The following TRAPPC9 variants were observed in gnomAD, a reference collection of about 807,000 sequenced individuals.
The protein encoded by TRAPPC9 is IKK2 binding protein.
TRAPPC9 carries 83 observed loss-of-function variants against 124.0 expected under a neutral mutation model. That is an observed-to-expected ratio of 0.67 (90% CI 0.56 to 0.80). The LOEUF is 0.80. TRAPPC9 is among the 30% of genes least tolerant of loss of function. The pLI is 0.00. For missense variants in TRAPPC9, 1,302 were observed against 1,508.3 expected, an observed-to-expected ratio of 0.86 and a Z score of 2.27; for synonymous variants, 638 against 617.5, an observed-to-expected ratio of 1.03 and a Z score of -0.49.
At chr8:139,863,310 G>T (rs1465078970) in intron 21 of TRAPPC9, among the ~76,000 whole-genome samples, 1 of 152,208 alleles carries the variant, frequency 6.6e-6, no homozygotes, top group Non-Finnish European at 1.5e-5. Context: ...TTGCAGAGAC[G>T]GAAAGGGCCA....
At chr8:140,183,859 AAAAAAG>A (rs1323252162) in intron 17 of TRAPPC9, among the ~76,000 whole-genome samples, 10 of 55,332 alleles carry the variant, frequency 1.8e-4, no homozygotes, top group Admixed American at 1.3e-3. Flanking sequence ...TGTCAAAAAA[AAAAAAG>A]AAGAAGAAGA....
chr8:140,217,732 C>T (rs1174083251), intron 17 of TRAPPC9, among the ~76,000 whole-genome samples: 2 of 152,054 alleles, frequency 1.3e-5, no homozygotes, highest in South Asian at 4.1e-4. Context: ...AATGCCATGG[C>T]GAGCCAGGCA....
At chr8:139,906,888 C>T (rs951862781) in intron 20 of TRAPPC9, among the ~76,000 whole-genome samples, 3 of 152,202 alleles carry the variant, frequency 2.0e-5, no homozygotes, top group Admixed American at 6.5e-5. Flanking sequence ...ATCAATGTGG[C>T]CATGCTCATA....
In TRAPPC9 at chr8:140,257,139, C is replaced by G. The variant is rs1350269897; in HGVS notation, c.2279-4210G>C. ...GTTAGCTTACAGCATACCCTTAGCT[C>G]CTCCCAAAATCTCCATATGCCAGCA... On this transcript the variant is annotated intron_variant, in intron 15 of 22. Coordinates refer to ENST00000438773, the MANE Select transcript of TRAPPC9 (RefSeq NM_001160372.4). This position sits in a 1 kb window ranked among gnomAD's most constrained non-coding sequence, Gnocchi z 4.6. Among the ~76,000 whole-genome samples, 2 of 152,214 alleles carry G rather than the reference C, an allele frequency of 1.3e-5. No individual in the cohort carries two copies. The highest frequency in any genetic ancestry group is 2.9e-5 in the Non-Finnish European group (2 of 68,036).
At chr8:140,296,280 T>C (rs527538895) in intron 11 of TRAPPC9, among the ~76,000 whole-genome samples, 33 of 152,342 alleles carry the variant, frequency 2.2e-4, no homozygotes, top group African/African-American at 7.7e-4. Context: ...TTATTTGTTT[T>C]TTGAGGTAGG....
At chr8:140,244,939 T>A (rs1393625878) in intron 16 of TRAPPC9, among the ~76,000 whole-genome samples, 1 of 150,920 alleles carries the variant, frequency 6.6e-6, no homozygotes, top group Admixed American at 6.6e-5. Context: ...CCCGAGTACC[T>A]GGGATTAAGG....
chr8:140,024,132 T>C, intron 17 of TRAPPC9, 53 bp from the exon 18 acceptor site: 1 of 1,602,416 alleles, frequency 6.2e-7, no homozygotes, highest in Non-Finnish European at 8.5e-7. Flanking sequence ...AACTCTCTAG[T>C]TTGATCCACC....
chr8:140,081,979 T>G (rs919406439), intron 17 of TRAPPC9: 1 of 152,296 alleles, frequency 6.6e-6, no homozygotes, highest in African/African-American at 2.4e-5. Context: ...CCACGCACAC[T>G]CTTACTCACC....
Position 139,759,334 on chromosome 8 carries a change from G to A in TRAPPC9, c.3056-27132C>T, listed in dbSNP as rs529007693. Among the ~76,000 whole-genome samples, 26 of 152,264 alleles carry A rather than the reference G, an allele frequency of 1.7e-4. No individual in the cohort carries two copies. The East Asian group carries it at 1.9e-3, about 11-fold the overall frequency. On this transcript the variant is annotated intron_variant, in intron 21 of 22. Coordinates refer to ENST00000438773, the MANE Select transcript of TRAPPC9 (RefSeq NM_001160372.4). ...TTATCATCTTCCTGGCACTGCACTA[G>A]GCTCTTTACATACATGGTCCCCTGG...
chr8:139,795,166 C>G (rs956878330), intron 21 of TRAPPC9, among the ~76,000 whole-genome samples: 1 of 152,244 alleles, frequency 6.6e-6, no homozygotes, highest in East Asian at 1.9e-4. Context: ...CCCCCATGGG[C>G]CCTGCTGGGG....
chr8:140,272,423 G>A (rs574053380), intron 15 of TRAPPC9, among the ~76,000 whole-genome samples: 28 of 146,696 alleles, frequency 1.9e-4, no homozygotes, highest in East Asian at 5.8e-4. Flanking sequence ...GATGGTGATG[G>A]TGGTGATGGT....
chr8:140,041,780 T>C (rs772413720), intron 17 of TRAPPC9, among the ~76,000 whole-genome samples: 7 of 152,186 alleles, frequency 4.6e-5, no homozygotes, highest in Non-Finnish European at 8.8e-5. Flanking sequence ...AAGACCAGCC[T>C]GGCCAACATG....
intron 21 of TRAPPC9, among the ~76,000 whole-genome samples, chr8:139,737,423 G>A (rs1369708130): frequency 7.8e-6 from 1 of 128,572 alleles, no homozygotes; most frequent in Non-Finnish European, 1.7e-5. Flanking sequence ...TCACCACCCC[G>A]CAGAGCACCT....
At chr8:140,272,130 C>CAATGGTGATGGTGGCGATGGTGATGGT (rs1450234909) in intron 15 of TRAPPC9, among the ~76,000 whole-genome samples, 9 of 100,458 alleles carry the variant, frequency 9.0e-5, no homozygotes, top group South Asian at 6.7e-4. Flanking sequence ...GTGATGGTGG[C>CAATGGTGATGGTGGCGATGGTGATGGT]GATGGTGATG....
At chr8:140,443,778 T>C (rs2071133483) in intron 2 of TRAPPC9, among the ~76,000 whole-genome samples, 6 of 152,050 alleles carry the variant, frequency 3.9e-5, no homozygotes, top group Admixed American at 3.9e-4. Context: ...GGCTCACGCC[T>C]GTAATACCAG....
Position 140,367,079 on chromosome 8 carries a change from G to A in TRAPPC9, c.1351+3885C>T, listed in dbSNP as rs562981094. ...TCTAACAGTGACAACCCCAAATGCT[G>A]GCAAGGATGTGGAGCAGCAGGAACT... On this transcript the variant is annotated intron_variant, in intron 8 of 22. Transcript: ENST00000438773. Among the ~76,000 whole-genome samples, 6 of 152,156 alleles carry A rather than the reference G, an allele frequency of 3.9e-5. No individual in the cohort carries two copies. In the South Asian group the frequency reaches 1.0e-3, roughly 26 times the overall value.
chr8:140,349,089 G>A (rs951798964), intron 9 of TRAPPC9, among the ~76,000 whole-genome samples: 10 of 140,182 alleles, frequency 7.1e-5, no homozygotes, highest in Non-Finnish European at 1.4e-4. Flanking sequence ...GGGGGCGTGC[G>A]AGGGAAGGGC....
intron 17 of TRAPPC9, among the ~76,000 whole-genome samples, chr8:140,153,926 T>G (rs2130843678): frequency 6.6e-6 from 1 of 152,288 alleles, no homozygotes; most frequent in African/African-American, 2.4e-5. Flanking sequence ...TACGTTTGCT[T>G]ATGTGACACC....
chr8:140,397,804 T>C (rs570198391), intron 6 of TRAPPC9, 59 bp from the exon 7 acceptor site: 1 of 1,607,142 alleles, frequency 6.2e-7, no homozygotes. Flanking sequence ...TCTGTCACAT[T>C]CTAAAGGCTG....
Sources: allele counts gnomAD v4.1 joint callset (sites outside exome capture counted in the v4.1 genomes callset), GRCh38; gene constraint gnomAD v4.1.1; non-coding constraint Gnocchi (gnomAD v3.1); transcripts MANE v1.5; gene names NCBI Gene and HGNC (gene_info 2026-07-23, HGNC 2026-07-21).